Variants in MAPK10 observed in about 807,000 individuals in gnomAD.
The protein encoded by MAPK10 is mitogen-activated protein kinase 10, also known as JNK3 alpha protein kinase.
Under a neutral mutation model 59.3 loss-of-function variants are expected in MAPK10, and 25 were observed. The ratio of observed to expected loss-of-function variants is 0.42; its 90% CI spans 0.31 to 0.59. MAPK10 has a LOEUF of 0.59. Ranked by LOEUF, MAPK10 falls within the 20% of genes least tolerant of loss-of-function variation. The pLI is 0.15. For missense variants in MAPK10, 351 were observed against 568.9 expected (o/e 0.62, Z 3.90); for synonymous variants, 190 against 200.5 (o/e 0.95, Z 0.44).
intron 1 of MAPK10, among the ~76,000 whole-genome samples, chr4:86,517,963 A>AT (rs1441942519): frequency 6.6e-6 from 1 of 151,906 alleles, no homozygotes; most frequent in Non-Finnish European, 1.5e-5. Flanking sequence ...GTTACTTGTT[A>AT]TTGCTCTGTT....
At chr4:86,138,860 G>T (rs969506088) in intron 4 of MAPK10, among the ~76,000 whole-genome samples, 5 of 151,976 alleles carry the variant, frequency 3.3e-5, no homozygotes, top group Admixed American at 6.6e-5. Flanking sequence ...AAACCAATGT[G>T]CAAAAATCAC....
At chr4:86,327,940 C>A (rs2096065894) in intron 2 of MAPK10, among the ~76,000 whole-genome samples, 1 of 151,880 alleles carries the variant, frequency 6.6e-6, no homozygotes, top group African/African-American at 2.4e-5. Context: ...CAGAGTGAGA[C>A]TCTTGCTCAA....
At chr4:86,519,200 C>T (rs1046745994) in intron 1 of MAPK10, among the ~76,000 whole-genome samples, 5 of 152,118 alleles carry the variant, frequency 3.3e-5, no homozygotes, top group Admixed American at 2.6e-4. Context: ...TTGTCTAGTG[C>T]TTTCAGTGGA....
chr4:86,238,612 T>C (rs1172540145), intron 2 of MAPK10, among the ~76,000 whole-genome samples: 1 of 152,230 alleles, frequency 6.6e-6, no homozygotes, highest in East Asian at 1.9e-4. Context: ...GTAGTGATTG[T>C]GAATGGGAGT....
At chr4:86,449,173 C>T (rs966814683) in intron 1 of MAPK10, among the ~76,000 whole-genome samples, 29 of 152,050 alleles carry the variant, frequency 1.9e-4, no homozygotes, top group Admixed American at 1.9e-3. Context: ...GTTGGGGACC[C>T]GTGTTCTAAC....
chr4:86,199,835 G>A (rs985502695), intron 2 of MAPK10, among the ~76,000 whole-genome samples: 2 of 151,994 alleles, frequency 1.3e-5, no homozygotes, highest in African/African-American at 2.4e-5. Context: ...GTGTATGCAC[G>A]TTTGGTATGA....
chr4:86,204,167 C>A (rs2083290979), intron 2 of MAPK10, among the ~76,000 whole-genome samples: 1 of 151,860 alleles, frequency 6.6e-6, no homozygotes, highest in African/African-American at 2.4e-5. Context: ...GTTTGCCAAC[C>A]TCTGATTTAG....
At chr4:86,236,134 T>C (rs1053301029) in intron 2 of MAPK10, among the ~76,000 whole-genome samples, 1 of 152,216 alleles carries the variant, frequency 6.6e-6, no homozygotes, top group Non-Finnish European at 1.5e-5. Flanking sequence ...TTTGTCTTCA[T>C]GTCTCCTGTT....
At position 86,012,718 on chromosome 4, in the gene MAPK10, T is replaced by C. The variant is rs1741735958; in HGVS notation, c.*4510A>G. On this transcript the variant is annotated 3_prime_UTR_variant, in exon 14 of 14. Coordinates refer to ENST00000641462, the MANE Select transcript of MAPK10 (RefSeq NM_138982.4). ...ATTTCAAATCCTTATTAAGCATCAC[T>C]GAGGTTGCATTTTACCCATTAGACT... 1 of 152,186 alleles carries C rather than the reference T, an allele frequency of 6.6e-6. No homozygotes were observed. Among genetic ancestry groups the C allele is most frequent in the South Asian group, 2.1e-4 (1 of 4,830 alleles). 9.4% of individuals were successfully genotyped at this position (152,186 alleles called of 1,614,324 possible).
At chr4:86,311,118 G>A (rs891094410) in intron 2 of MAPK10, among the ~76,000 whole-genome samples, 7 of 151,114 alleles carry the variant, frequency 4.6e-5, no homozygotes, top group African/African-American at 1.7e-4. Flanking sequence ...TATTTGTCCT[G>A]AAAAACAAAC....
At chr4:86,299,850 T>C (rs538096388) in intron 2 of MAPK10, among the ~76,000 whole-genome samples, 2 of 152,242 alleles carry the variant, frequency 1.3e-5, no homozygotes, top group Admixed American at 1.3e-4. Context: ...GTAAACCGTA[T>C]TTACATCTTT....
intron 2 of MAPK10, among the ~76,000 whole-genome samples, chr4:86,238,374 T>C (rs562301885): frequency 5.3e-5 from 8 of 152,256 alleles, no homozygotes; most frequent in African/African-American, 1.9e-4. Context: ...TTTTTTCTAA[T>C]TCTGTGAAGA....
chr4:86,083,420 C>T (rs990118715), intron 9 of MAPK10, among the ~76,000 whole-genome samples: 4 of 152,144 alleles, frequency 2.6e-5, no homozygotes, highest in Non-Finnish European at 5.9e-5. Flanking sequence ...GAACTCAGTG[C>T]TGCCCTTGTT....
At chr4:86,208,541 A>C (rs181885473) in intron 2 of MAPK10, among the ~76,000 whole-genome samples, 9,010 of 151,148 alleles carry the variant, frequency 0.06, 332 homozygotes, top group Non-Finnish European at 0.083. Context: ...ATTCAACAAC[A>C]CTTCATGCTA....
chr4:86,151,346 G>A (rs923526070), intron 4 of MAPK10, among the ~76,000 whole-genome samples: 1 of 152,182 alleles, frequency 6.6e-6, no homozygotes, highest in Non-Finnish European at 1.5e-5. Flanking sequence ...TGTAACAGCC[G>A]CCTTGGGAAA....
intron 1 of MAPK10, among the ~76,000 whole-genome samples, chr4:86,546,953 G>A (rs1057189031): frequency 6.6e-6 from 1 of 152,168 alleles, no homozygotes; most frequent in Non-Finnish European, 1.5e-5. Context: ...TTACTCGGGA[G>A]GCTGAGGCAG....
intron 2 of MAPK10, among the ~76,000 whole-genome samples, chr4:86,351,256 A>T (rs901661769): frequency 6.0e-5 from 9 of 149,046 alleles, no homozygotes; most frequent in South Asian, 2.1e-4. Flanking sequence ...TCTGTATTTT[A>T]TATATATATA....
rs201106101 is a variant in MAPK10, at chr4:86,205,879, A to C, written c.-6-11472T>G. Among the ~76,000 whole-genome samples the C allele has an allele frequency of 1.4e-4, 21 of 152,178 alleles. No homozygotes were observed. In the East Asian group the frequency reaches 3.9e-3, roughly 28 times the overall value. On this transcript the variant is annotated intron_variant, in intron 2 of 13. Coordinates refer to ENST00000641462, the MANE Select transcript of MAPK10 (RefSeq NM_138982.4). ...AATATCATATTTAATGATGAAAACA[A>C]GAAAAAGAGGCATTCCCTCTCAGAT...
At chr4:86,040,214 T>C (rs2148937506) in intron 11 of MAPK10, among the ~76,000 whole-genome samples, 1 of 152,208 alleles carries the variant, frequency 6.6e-6, no homozygotes, top group Admixed American at 6.5e-5. Flanking sequence ...GTCAAAATAA[T>C]TGTTTTAAGG....
Sources: gnomAD v4.1 joint callset for allele counts (sites outside exome capture counted in the v4.1 genomes callset) on GRCh38, gnomAD v4.1.1 for gene constraint, MANE v1.5 for transcripts, NCBI Gene and HGNC (gene_info 2026-07-23, HGNC 2026-07-21) for gene names.